NELL2: variants seen among roughly 807,000 people sequenced by gnomAD.
The protein encoded by NELL2 is protein kinase C-binding protein NELL2.
In NELL2, 41 loss-of-function variants were observed where a neutral mutation model predicts 109.6. The observed-to-expected ratio is 0.37, with a 90% CI of 0.29 to 0.49. The LOEUF (loss-of-function observed/expected upper bound fraction) is 0.49, where lower values mean the gene tolerates loss of function less well. Ranked by LOEUF, NELL2 falls within the 20% of genes least tolerant of loss-of-function variation. NELL2 has a pLI of 0.98. For synonymous variants in NELL2, 355 were observed against 344.7 expected (o/e 1.03, Z -0.33); for missense variants, 900 against 1,008.3 (o/e 0.89, Z 1.45).
chr12:44,757,335 G>A (rs939860333), intron 9 of NELL2, among the ~76,000 whole-genome samples: 2 of 151,846 alleles, frequency 1.3e-5, no homozygotes, highest in Admixed American at 6.6e-5. Flanking sequence ...ACAGTGGCTC[G>A]CCTACTGAAT....
At chr12:44,769,346 A>G (rs1941456464) in intron 9 of NELL2, among the ~76,000 whole-genome samples, 1 of 152,152 alleles carries the variant, frequency 6.6e-6, no homozygotes, top group Non-Finnish European at 1.5e-5. Flanking sequence ...TAAATATACA[A>G]AAAGGCACTC....
intron 15 of NELL2, among the ~76,000 whole-genome samples, chr12:44,537,929 G>A (rs1942368069): frequency 6.6e-6 from 1 of 151,986 alleles, no homozygotes; most frequent in Non-Finnish European, 1.5e-5. Flanking sequence ...AGTAAAAATG[G>A]AAAACCATAA....
At chr12:44,840,511 C>A (rs1944192163) in intron 2 of NELL2, among the ~76,000 whole-genome samples, 2 of 152,092 alleles carry the variant, frequency 1.3e-5, no homozygotes, top group African/African-American at 4.8e-5. Flanking sequence ...GTGGTGGGCG[C>A]CTGTAGTGCC....
chr12:44,660,689 C>T (rs1947710512), intron 13 of NELL2, among the ~76,000 whole-genome samples: 1 of 152,124 alleles, frequency 6.6e-6, no homozygotes. Flanking sequence ...TCTCCTATTC[C>T]CACGCTAAAG....
chr12:44,778,214 G>T (rs917664810), intron 5 of NELL2, among the ~76,000 whole-genome samples: 1 of 152,022 alleles, frequency 6.6e-6, no homozygotes, highest in Non-Finnish European at 1.5e-5. Context: ...AATTTTAAAC[G>T]TACCTATAAA....
intron 12 of NELL2, among the ~76,000 whole-genome samples, chr12:44,699,833 T>G (rs1566189810): frequency 6.6e-6 from 1 of 152,152 alleles, no homozygotes; most frequent in African/African-American, 2.4e-5. Flanking sequence ...TTCTCTCTCC[T>G]CCTACGTTTC....
chr12:44,578,163 C>T (rs893006588), intron 15 of NELL2, among the ~76,000 whole-genome samples: 1 of 149,784 alleles, frequency 6.7e-6, no homozygotes, highest in African/African-American at 2.4e-5. Flanking sequence ...TGTTCTTAAT[C>T]CCTCTACTTC....
chr12:44,746,695 A>G (rs1940379855), intron 9 of NELL2, among the ~76,000 whole-genome samples: 1 of 152,218 alleles, frequency 6.6e-6, no homozygotes, highest in African/African-American at 2.4e-5. Context: ...AACACATGAA[A>G]AAATGCTCAT....
Position 44,875,797 on chromosome 12 carries a change from A to G in NELL2, c.55+18T>C. On this transcript the variant is annotated intron_variant, in intron 1 of 19. Coordinates refer to ENST00000429094, the MANE Select transcript of NELL2 (RefSeq NM_001145108.2). Reference sequence around the variant, plus strand: ...GGGAGCCATCCCTTTCCCCAGCCCCAGCTCTGCGGCCACTCACCTGCTCCG... The same window carrying G: ...GGGAGCCATCCCTTTCCCCAGCCCCGGCTCTGCGGCCACTCACCTGCTCCG... 6.2e-7 allele frequency: 1 copy of G among 1,613,142 alleles called. No homozygotes were observed. The highest frequency in any genetic ancestry group is 8.5e-7 in the Non-Finnish European group (1 of 1,179,998).
chr12:44,832,954 T>A (rs1269106032), intron 2 of NELL2, among the ~76,000 whole-genome samples: 2 of 152,162 alleles, frequency 1.3e-5, no homozygotes, highest in East Asian at 3.9e-4. Context: ...GTGGTTTGAG[T>A]ATTTTCTTAG....
In NELL2 at chr12:44,824,797, G is replaced by A. The variant is rs532688977; in HGVS notation, c.185-8661C>T. Among the ~76,000 whole-genome samples, 469 of 148,516 alleles carry A rather than the reference G, an allele frequency of 3.2e-3. 1 individual carries two copies. The highest frequency in any genetic ancestry group is 5.7e-3 in the Non-Finnish European group (381 of 67,320). ...ATGATCTCGGCTAATCGCAAGCTCC[G>A]CCTCCCGGGTTCACGCCATTCTCCT... On this transcript the variant is annotated intron_variant, in intron 2 of 19. Transcript: ENST00000429094.
At chr12:44,723,755 G>A (rs1463505602) in intron 9 of NELL2, among the ~76,000 whole-genome samples, 1 of 151,932 alleles carries the variant, frequency 6.6e-6, no homozygotes, top group Non-Finnish European at 1.5e-5. Flanking sequence ...ATAATTTCAG[G>A]GTACCTTTTT....
intron 3 of NELL2, among the ~76,000 whole-genome samples, chr12:44,787,679 G>C (rs1386307582): frequency 1.3e-5 from 2 of 151,822 alleles, no homozygotes; most frequent in Non-Finnish European, 2.9e-5. Flanking sequence ...TTTTACAAAA[G>C]AGCAAAGGTA....
Position 44,580,981 on chromosome 12 carries a change from T to C in NELL2, c.1663+26188A>G, listed in dbSNP as rs192721291. On this transcript the variant is annotated intron_variant, in intron 15 of 19. Coordinates refer to ENST00000429094, the MANE Select transcript of NELL2 (RefSeq NM_001145108.2). ...GCAAAATAGTCAATAAAGTAAAACA[T>C]GTTACCTTCATTTTGAGACGAACTT... Among the ~76,000 whole-genome samples, 110 of 152,332 alleles carry C rather than the reference T, an allele frequency of 7.2e-4. 1 individual carries two copies. Among genetic ancestry groups the C allele is most frequent in the Admixed American group, 5.1e-3 (78 of 15,300 alleles).
intron 12 of NELL2, among the ~76,000 whole-genome samples, chr12:44,698,896 T>C (rs1196398180): frequency 2.6e-5 from 4 of 152,186 alleles, no homozygotes; most frequent in Admixed American, 1.3e-4. Flanking sequence ...TGTAATGCGC[T>C]ATTGGACTGA....
At chr12:44,545,531 T>A (rs1349487228) in intron 15 of NELL2, among the ~76,000 whole-genome samples, 1 of 151,996 alleles carries the variant, frequency 6.6e-6, no homozygotes, top group Non-Finnish European at 1.5e-5. Flanking sequence ...AGGTAAATAT[T>A]ATGAGGTCTA....
At chr12:44,836,001 G>A (rs2136736741) in intron 2 of NELL2, among the ~76,000 whole-genome samples, 1 of 152,302 alleles carries the variant, frequency 6.6e-6, no homozygotes, top group Non-Finnish European at 1.5e-5. Context: ...TACACTGCTA[G>A]GGCATAAGGT....
chr12:44,525,356 G>T (rs947490203), intron 16 of NELL2, among the ~76,000 whole-genome samples: 1 of 152,150 alleles, frequency 6.6e-6, no homozygotes, highest in Admixed American at 6.5e-5. Context: ...GTAAAAAGTT[G>T]CTCATAACGA....
At chr12:44,621,698 T>C (rs534977293) in intron 13 of NELL2, among the ~76,000 whole-genome samples, 1 of 104,758 alleles carries the variant, frequency 9.5e-6, no homozygotes, top group South Asian at 2.2e-4. Flanking sequence ...GTGCTCGAAC[T>C]TTTTTTTTTA....
Sources: gnomAD v4.1 joint callset for allele counts (sites outside exome capture counted in the v4.1 genomes callset) on GRCh38, gnomAD v4.1.1 for gene constraint, MANE v1.5 for transcripts, NCBI Gene and HGNC (gene_info 2026-07-23, HGNC 2026-07-21) for gene names.